The following AGPS variants were observed in gnomAD, a reference collection of about 807,000 sequenced individuals.
The protein encoded by AGPS is alkylglycerone phosphate synthase.
In AGPS, 26 loss-of-function variants were observed where a neutral mutation model predicts 90.7. That is an observed-to-expected ratio of 0.29 (90% CI 0.21 to 0.40). The LOEUF is 0.40. Among genes scored for constraint, AGPS ranks in the 10% least tolerant of loss-of-function variants. The pLI is 1.00. For missense variants in AGPS, 540 were observed against 816.1 expected (o/e 0.66, Z 4.12); for synonymous variants, 294 against 285.3 (o/e 1.03, Z -0.31).
intron 18 of AGPS, 105 bp from the exon 19 acceptor site, chr2:177,523,643 A>G: frequency 1.0e-6 from 1 of 953,832 alleles, no homozygotes; most frequent in Non-Finnish European, 1.7e-6. Flanking sequence ...CTAGTTTATT[A>G]TTTAACCCAG....
chr2:177,399,604 C>T (rs779892580), intron 1 of AGPS, among the ~76,000 whole-genome samples: 12 of 152,150 alleles, frequency 7.9e-5, no homozygotes, highest in Non-Finnish European at 1.5e-4. Flanking sequence ...CAGAAGGCCT[C>T]CTCTGCAGGT....
chr2:177,523,944 G>T (rs1323309640), intron 19 of AGPS, 139 bp downstream of exon 19: 4 of 761,754 alleles, frequency 5.3e-6, no homozygotes, highest in Non-Finnish European at 8.9e-6. Context: ...CTTTGAAATA[G>T]CTGTTACTGA....
At chr2:177,483,757 G>A (rs902864390) in intron 11 of AGPS, among the ~76,000 whole-genome samples, 1 of 152,116 alleles carries the variant, frequency 6.6e-6, no homozygotes, top group African/African-American at 2.4e-5. Flanking sequence ...AAACATTAAA[G>A]GATTATTAAG....
intron 11 of AGPS, among the ~76,000 whole-genome samples, chr2:177,490,950 G>C (rs1028256753): frequency 6.9e-6 from 1 of 144,288 alleles, no homozygotes; most frequent in Non-Finnish European, 1.5e-5. Flanking sequence ...CCGCCTCCTA[G>C]GTTCAAGTGA....
At chr2:177,462,249 C>T (rs1304936912) in intron 9 of AGPS, among the ~76,000 whole-genome samples, 3 of 151,450 alleles carry the variant, frequency 2.0e-5, no homozygotes, top group Admixed American at 6.6e-5. Flanking sequence ...AAAAATTAGT[C>T]GGGTGTGGTG....
chr2:177,401,425 A>G (rs1195836859), intron 1 of AGPS, among the ~76,000 whole-genome samples: 1 of 152,198 alleles, frequency 6.6e-6, no homozygotes, highest in African/African-American at 2.4e-5. Context: ...TCTGATCCTC[A>G]CAACTGCCCA....
At chr2:177,533,611 A>G (rs1040931868) in intron 19 of AGPS, among the ~76,000 whole-genome samples, 4 of 152,244 alleles carry the variant, frequency 2.6e-5, no homozygotes, top group African/African-American at 9.6e-5. Context: ...TAACTTAAAA[A>G]TAATATGTTT....
intron 8 of AGPS, among the ~76,000 whole-genome samples, chr2:177,455,913 T>C (rs115234311): frequency 8.7e-4 from 133 of 152,342 alleles, no homozygotes; most frequent in African/African-American, 3.1e-3. Context: ...CAGTATTGAA[T>C]TGGAACACAA....
intron 1 of AGPS, 165 bp downstream of exon 1, chr2:177,393,214 C>T: frequency 1.0e-5 from 10 of 985,298 alleles, no homozygotes; most frequent in Non-Finnish European, 1.2e-5. Context: ...GGACTAGACC[C>T]TGGATTCTGT....
intron 19 of AGPS, among the ~76,000 whole-genome samples, chr2:177,525,394 G>A (rs1047060813): frequency 1.3e-5 from 2 of 152,066 alleles, no homozygotes; most frequent in African/African-American, 4.8e-5. Context: ...GATTACATGG[G>A]ACAGAGGAAG....
At chr2:177,457,525 C>A (rs1214784825) in intron 8 of AGPS, among the ~76,000 whole-genome samples, 2 of 152,178 alleles carry the variant, frequency 1.3e-5, no homozygotes, top group African/African-American at 4.8e-5. Context: ...CACAGAAATA[C>A]AAACTACCAT....
intron 11 of AGPS, among the ~76,000 whole-genome samples, chr2:177,492,803 T>G (rs1330638547): frequency 2.6e-5 from 4 of 152,240 alleles, no homozygotes; most frequent in Non-Finnish European, 4.4e-5. Flanking sequence ...GAAACATCTT[T>G]GTTCTAAAAT....
chr2:177,424,101 C>T (rs1407987020), intron 2 of AGPS, among the ~76,000 whole-genome samples: 1 of 152,082 alleles, frequency 6.6e-6, no homozygotes, highest in African/African-American at 2.4e-5. Context: ...TTTCCTGATG[C>T]TCTCCCTCCT....
chr2:177,453,015 G>A (rs570135383), intron 8 of AGPS, among the ~76,000 whole-genome samples: 1 of 151,840 alleles, frequency 6.6e-6, no homozygotes, highest in East Asian at 1.9e-4. Context: ...CCTTCTGCTT[G>A]AAGGACTTCT....
At chr2:177,447,526 AG>A (rs1384868790) in intron 8 of AGPS, among the ~76,000 whole-genome samples, 1 of 152,044 alleles carries the variant, frequency 6.6e-6, no homozygotes, top group Non-Finnish European at 1.5e-5. Flanking sequence ...TTTATAACAA[AG>A]AATGGCCTTT....
chr2:177,507,660 A>G (rs955802606), intron 15 of AGPS, among the ~76,000 whole-genome samples: 10 of 152,326 alleles, frequency 6.6e-5, no homozygotes, highest in Non-Finnish European at 1.3e-4. Flanking sequence ...TATTCTCTAC[A>G]TGTACACAGA....
intron 2 of AGPS, among the ~76,000 whole-genome samples, chr2:177,431,385 T>G (rs1686237796): frequency 6.6e-6 from 1 of 152,200 alleles, no homozygotes; most frequent in African/African-American, 2.4e-5. Context: ...TGTGTTCGGC[T>G]GTGCACGTAT....
At chr2:177,459,005 C>T (rs1338517709) in intron 8 of AGPS, among the ~76,000 whole-genome samples, 2 of 152,148 alleles carry the variant, frequency 1.3e-5, no homozygotes, top group Non-Finnish European at 2.9e-5. Context: ...GAACGGAGGC[C>T]TCAGAAATAA....
chr2:177,500,232 A>G (rs1688520047), intron 14 of AGPS, among the ~76,000 whole-genome samples: 1 of 152,018 alleles, frequency 6.6e-6, no homozygotes, highest in Non-Finnish European at 1.5e-5. Context: ...AAAACATTTC[A>G]CATCTATAAC....
Sources: gnomAD v4.1 joint callset for allele counts (sites outside exome capture counted in the v4.1 genomes callset) on GRCh38, gnomAD v4.1.1 for gene constraint, MANE v1.5 for transcripts, NCBI Gene and HGNC (gene_info 2026-07-23, HGNC 2026-07-21) for gene names.